AFF1: variants seen among roughly 807,000 people sequenced by gnomAD.
AFF1 encodes the protein AF4/FMR2 family member 1.
AFF1 carries 48 observed loss-of-function variants against 121.7 expected under a neutral mutation model. The ratio of observed to expected loss-of-function variants is 0.39; its 90% CI spans 0.31 to 0.50. The LOEUF (loss-of-function observed/expected upper bound fraction) is 0.50. Among genes scored for constraint, AFF1 ranks in the 20% least tolerant of loss-of-function variants. AFF1 has a pLI of 0.76. For missense variants in AFF1, 1,523 were observed against 1,511.7 expected (o/e 1.01, Z -0.12); for synonymous variants, 613 against 563.0 (o/e 1.09, Z -1.26).
chr4:87,068,165 C>G lies in AFF1; in HGVS notation c.1060-15955C>G, dbSNP rs185186984. Among the ~76,000 whole-genome samples the G allele has an allele frequency of 1.0e-3, 5 of 5,024 alleles. No homozygotes were observed. The African/African-American group carries it at 0.019, about 19-fold the overall frequency. 3.3% of individuals were successfully genotyped at this position (5,024 alleles called of 152,430 possible). A position where few individuals can be genotyped will look rare whatever the true frequency, so the allele number is the denominator to read the frequency against. On this transcript the variant is annotated intron_variant, in intron 4 of 20. Coordinates refer to ENST00000395146, the MANE Select transcript of AFF1 (RefSeq NM_001166693.3). ...TTTTTCCCTCTAGAGTTTTAAAATT[C>G]CCATTGCCAGTGGAGTGGGGGTGGG...
intron 5 of AFF1, among the ~76,000 whole-genome samples, chr4:87,085,963 GC>G (rs1419594106): frequency 2.0e-5 from 3 of 151,918 alleles, no homozygotes. Flanking sequence ...GGTCTCAAAT[GC>G]CTGACCTCAA....
chr4:86,966,917 C>A (rs1016425111), intron 2 of AFF1, among the ~76,000 whole-genome samples: 2 of 152,304 alleles, frequency 1.3e-5, no homozygotes, highest in Middle Eastern at 3.4e-3. Context: ...AGCCCTTTAT[C>A]CCCTGGGCCT....
intron 4 of AFF1, among the ~76,000 whole-genome samples, chr4:87,063,667 G>A (rs1344236109): frequency 6.6e-6 from 1 of 152,180 alleles, no homozygotes; most frequent in Non-Finnish European, 1.5e-5. Flanking sequence ...GAGTTAGAAT[G>A]CATGGGTTCA....
intron 8 of AFF1, among the ~76,000 whole-genome samples, chr4:87,096,980 A>C (rs1050956975): frequency 6.6e-6 from 1 of 152,278 alleles, no homozygotes; most frequent in Middle Eastern, 3.4e-3. Context: ...ACATTTAAGG[A>C]AGGAGGAGGT....
chr4:86,936,266 C>A (rs1719985112), intron 1 of AFF1: 1 of 152,168 alleles, frequency 6.6e-6, no homozygotes, highest in Non-Finnish European at 1.5e-5. Flanking sequence ...GTGCACGTTG[C>A]GGGGTGTGAC....
intron 2 of AFF1, among the ~76,000 whole-genome samples, chr4:86,985,736 TGGAAAATGGCA>T (rs1353429875): frequency 6.6e-6 from 1 of 152,090 alleles, no homozygotes; most frequent in Non-Finnish European, 1.5e-5. Flanking sequence ...TAGTTACTTT[TGGAAAATGGCA>T]GGGAACTAAC....
At chr4:86,997,687 TG>T (rs1264611987) in intron 2 of AFF1, among the ~76,000 whole-genome samples, 1 of 148,068 alleles carries the variant, frequency 6.8e-6, no homozygotes, top group East Asian at 2.0e-4. Flanking sequence ...GTGTGAACCT[TG>T]GGGGCAGAGC....
intron 2 of AFF1, among the ~76,000 whole-genome samples, chr4:87,000,290 A>G (rs1291946136): frequency 6.6e-6 from 1 of 152,306 alleles, no homozygotes. Context: ...GGAACATTCT[A>G]CGGGATAGCC....
intron 2 of AFF1, among the ~76,000 whole-genome samples, chr4:86,974,465 A>C (rs879057386): frequency 4.0e-5 from 6 of 151,368 alleles, no homozygotes; most frequent in Non-Finnish European, 8.8e-5. Flanking sequence ...CATTTATTTA[A>C]ATTTTATCCT....
At chr4:87,024,973 T>A (rs1728383597) in intron 2 of AFF1, among the ~76,000 whole-genome samples, 1 of 152,226 alleles carries the variant, frequency 6.6e-6, no homozygotes, top group Admixed American at 6.5e-5. Flanking sequence ...TCATTTTTAG[T>A]GTGAAATGCA....
chr4:86,991,237 A>C (rs1276895435), intron 2 of AFF1, among the ~76,000 whole-genome samples: 1 of 152,012 alleles, frequency 6.6e-6, no homozygotes. Flanking sequence ...GAGATCAGGA[A>C]ATGGAGACCA....
intron 4 of AFF1, 141 bp from the exon 5 acceptor site, chr4:87,083,979 T>G (rs183235631): frequency 5.5e-6 from 4 of 731,224 alleles, no homozygotes; most frequent in Non-Finnish European, 9.4e-6. Context: ...TTGCCCAGGC[T>G]TCAAATGTAA....
chr4:87,010,933 G>T (rs1432338245), intron 2 of AFF1, among the ~76,000 whole-genome samples: 3 of 152,142 alleles, frequency 2.0e-5, no homozygotes, highest in Non-Finnish European at 1.5e-5. Context: ...AAAAAAATCA[G>T]CCGGGTGCGG....
intron 2 of AFF1, among the ~76,000 whole-genome samples, chr4:87,026,637 A>T (rs1431833528): frequency 2.6e-5 from 4 of 152,202 alleles, no homozygotes; most frequent in Non-Finnish European, 4.4e-5. Context: ...GACTTCTAAA[A>T]GAGCAAGGAA....
chr4:86,959,510 C>G (rs62306460), intron 2 of AFF1, among the ~76,000 whole-genome samples: 1 of 145,134 alleles, frequency 6.9e-6, no homozygotes, highest in African/African-American at 2.6e-5. Context: ...TTTTTTTTCC[C>G]AATGTGAGAG....
intron 2 of AFF1, among the ~76,000 whole-genome samples, chr4:87,042,012 A>G (rs76128628): frequency 2.1e-5 from 3 of 141,814 alleles, no homozygotes; most frequent in Middle Eastern, 3.5e-3. Context: ...TCCATCTGGA[A>G]AAAAAAAAAA....
At chr4:87,075,250 G>A (rs1722529755) in intron 4 of AFF1, among the ~76,000 whole-genome samples, 1 of 151,792 alleles carries the variant, frequency 6.6e-6, no homozygotes. Context: ...GCTTGTTTTT[G>A]CTTTAGTTGA....
chr4:86,987,181 CTT>C (rs1315838820), intron 2 of AFF1, among the ~76,000 whole-genome samples: 5 of 152,178 alleles, frequency 3.3e-5, no homozygotes, highest in Non-Finnish European at 5.9e-5. Flanking sequence ...GACTAAATGT[CTT>C]TGCTGCTTTC....
At chr4:86,980,957 T>A (rs5860047) in intron 2 of AFF1, among the ~76,000 whole-genome samples, 7,573 of 122,456 alleles carry the variant, frequency 0.062, 678 homozygotes, top group Middle Eastern at 0.14. Context: ...ACCCCCCCCC[T>A]CCACCAAAAA....
Sources: allele counts gnomAD v4.1 joint callset (sites outside exome capture counted in the v4.1 genomes callset), GRCh38; gene constraint gnomAD v4.1.1; transcripts MANE v1.5; gene names NCBI Gene and HGNC (gene_info 2026-07-23, HGNC 2026-07-21).